ENPEP: variants seen among roughly 807,000 people sequenced by gnomAD.
The protein encoded by ENPEP is AP-A.
ENPEP carries 103 observed loss-of-function variants against 114.5 expected under a neutral mutation model. The observed-to-expected ratio is 0.90, with a 90% confidence interval of 0.77 to 1.06. ENPEP has a LOEUF of 1.06. ENPEP is among the 50% of genes least tolerant of loss of function. The pLI is 0.00. For synonymous variants in ENPEP, 420 were observed against 422.0 expected (o/e 1.00, Z 0.06); for missense variants, 1,196 against 1,161.3 (o/e 1.03, Z -0.43).
intron 10 of ENPEP, among the ~76,000 whole-genome samples, chr4:110,520,867 A>G (rs1334502579): frequency 1.3e-5 from 2 of 152,062 alleles, no homozygotes; most frequent in East Asian, 3.9e-4. Context: ...AGCTGGACCC[A>G]CCCCTCACCC....
At chr4:110,548,103 T>TGGAAAC in intron 13 of ENPEP, 73 bp from the exon 14 acceptor site, 1 of 1,352,982 alleles carries the variant, frequency 7.4e-7, no homozygotes, top group Non-Finnish European at 9.5e-7. Flanking sequence ...TTCAGTTAAA[T>TGGAAAC]GGAAACTAAA....
chr4:110,527,690 G>A (rs564075065), intron 10 of ENPEP, among the ~76,000 whole-genome samples: 9 of 152,210 alleles, frequency 5.9e-5, no homozygotes, highest in African/African-American at 1.9e-4. Context: ...ACTGTTTTGT[G>A]TTCTAGCAAA....
At chr4:110,486,173 T>G (rs567854986) in intron 1 of ENPEP, among the ~76,000 whole-genome samples, 3 of 152,336 alleles carry the variant, frequency 2.0e-5, no homozygotes, top group African/African-American at 7.2e-5. Flanking sequence ...TTTATTCATT[T>G]TAAAAAATCA....
chr4:110,549,079 A>G (rs925838441), intron 14 of ENPEP, among the ~76,000 whole-genome samples: 4 of 152,070 alleles, frequency 2.6e-5, no homozygotes, highest in African/African-American at 9.7e-5. Context: ...TATTTATTAC[A>G]TATGTTAACT....
intron 19 of ENPEP, among the ~76,000 whole-genome samples, 174 bp from the exon 20 acceptor site, chr4:110,561,232 T>C (rs1727665768): frequency 6.6e-6 from 1 of 152,164 alleles, no homozygotes; most frequent in Non-Finnish European, 1.5e-5. Context: ...GGGTAACTAT[T>C]GCTAATCTGA....
chr4:110,533,247 T>G (rs919498974), intron 11 of ENPEP: 2 of 269,644 alleles, frequency 7.4e-6, no homozygotes, highest in Non-Finnish European at 1.5e-5. Context: ...CTTACTCAAG[T>G]GCTTTGTAAA....
At chr4:110,519,359 A>G (rs905297832) in intron 8 of ENPEP, 4 of 228,180 alleles carry the variant, frequency 1.8e-5, no homozygotes, top group East Asian at 8.9e-5. Context: ...AGTCAGGACA[A>G]TTCTAGAAAG....
chr4:110,537,296 C>A (rs1157852095), intron 11 of ENPEP, among the ~76,000 whole-genome samples: 2 of 152,166 alleles, frequency 1.3e-5, no homozygotes, highest in African/African-American at 4.8e-5. Context: ...TTCTCCAAAA[C>A]CCTGGTGCTG....
chr4:110,503,126 T>C (rs979552060), intron 3 of ENPEP, among the ~76,000 whole-genome samples: 10 of 152,174 alleles, frequency 6.6e-5, no homozygotes, highest in Admixed American at 6.5e-4. Flanking sequence ...CATTGTTCAA[T>C]TCCCACCTAT....
intron 10 of ENPEP, among the ~76,000 whole-genome samples, chr4:110,523,884 C>A (rs556934639): frequency 2.6e-5 from 4 of 151,994 alleles, no homozygotes; most frequent in Non-Finnish European, 4.4e-5. Flanking sequence ...GGGAGTATTA[C>A]GTGGAAATGA....
intron 18 of ENPEP, among the ~76,000 whole-genome samples, chr4:110,554,708 T>C (rs1485456163): frequency 3.3e-5 from 5 of 152,188 alleles, no homozygotes; most frequent in South Asian, 2.1e-4. Context: ...TTGAAAAATA[T>C]ATGGCTAGTG....
chr4:110,559,676 G>A lies in ENPEP; in HGVS notation c.2672G>A (p.Arg891Gln), dbSNP rs770598233. ...ACACTCAATAACAGAAACCTTGGCC[G>A]AATTGTCACAATAGCAGAGCCATTC... is the stretch of plus-strand genomic sequence containing the variant. ...RYTLNNRNLG[R>Q]IVTIAEPFNT... The change falls in exon 19 of 20, where the codon CGA (arginine) becomes CAA (glutamine). Residue 891 changes from arginine (R) to glutamine (Q), a missense_variant. Transcript: ENST00000265162. 2.3e-5 allele frequency: 37 copies of A among 1,613,646 alleles called. No individual in the cohort carries two copies. The highest frequency in any genetic ancestry group is 1.2e-4 in the Admixed American group (7 of 59,990).
chr4:110,551,836 AG>A (rs2110396928), intron 17 of ENPEP, among the ~76,000 whole-genome samples: 2 of 152,292 alleles, frequency 1.3e-5, no homozygotes, highest in South Asian at 4.1e-4. Context: ...CCTTCTGCAC[AG>A]GGAGACATGC....
At chr4:110,492,974 G>A (rs2110339835) in intron 3 of ENPEP, among the ~76,000 whole-genome samples, 1 of 152,298 alleles carries the variant, frequency 6.6e-6, no homozygotes, top group African/African-American at 2.4e-5. Context: ...AATACCAAGA[G>A]GAAACAGAAA....
chr4:110,539,550 G>GT (rs575056364), intron 11 of ENPEP, among the ~76,000 whole-genome samples: 143 of 151,626 alleles, frequency 9.4e-4, no homozygotes, highest in South Asian at 7.7e-3. Flanking sequence ...TCTTTCAGTT[G>GT]TTTTTTTTGC....
intron 11 of ENPEP, among the ~76,000 whole-genome samples, chr4:110,536,107 C>CAAAAAAAA (rs34765143): frequency 3.2e-5 from 2 of 63,106 alleles, no homozygotes; most frequent in African/African-American, 5.8e-5. Flanking sequence ...AACTCTGTCT[C>CAAAAAAAA]AAAAAAAAAA....
intron 1 of ENPEP, among the ~76,000 whole-genome samples, chr4:110,481,950 C>T (rs1724326110): frequency 6.6e-6 from 1 of 152,062 alleles, no homozygotes; most frequent in Non-Finnish European, 1.5e-5. Flanking sequence ...AAAGGAAAGG[C>T]ACCAAGTCAG....
chr4:110,495,299 G>A lies in ENPEP; in HGVS notation c.918+4135G>A, dbSNP rs147618622. Among the ~76,000 whole-genome samples, 521 of 152,262 alleles carry A rather than the reference G, an allele frequency of 3.4e-3. 19 individuals carry two copies. The South Asian group carries it at 0.046, about 13-fold the overall frequency. ...GGAAAAAGGAAAATCCCCCGTATTA[G>A]TATATATAAAATCATTTGAAGTTGT... On this transcript the variant is annotated intron_variant, in intron 3 of 19. Transcript: ENST00000265162.
chr4:110,489,448 A>G (rs1316344284), intron 2 of ENPEP, among the ~76,000 whole-genome samples: 1 of 152,136 alleles, frequency 6.6e-6, no homozygotes, highest in African/African-American at 2.4e-5. Flanking sequence ...TTGGAGAAAT[A>G]CCTAACGTAG....
Sources: allele counts gnomAD v4.1 joint callset (sites outside exome capture counted in the v4.1 genomes callset), GRCh38; gene constraint gnomAD v4.1.1; transcripts MANE v1.5; gene names NCBI Gene and HGNC (gene_info 2026-07-23, HGNC 2026-07-21).